Variants in OCA2 observed in about 807,000 individuals in gnomAD.
The protein encoded by OCA2 is P protein.
Under a neutral mutation model 100.2 loss-of-function variants are expected in OCA2, and 77 were observed. The observed-to-expected ratio is 0.77, with a 90% confidence interval of 0.64 to 0.93. The LOEUF (loss-of-function observed/expected upper bound fraction) is 0.93, where lower values mean the gene tolerates loss of function less well. Among genes scored for constraint, OCA2 ranks in the 40% least tolerant of loss-of-function variants. OCA2 has a pLI of 0.00. For synonymous variants in OCA2, 432 were observed against 439.2 expected (o/e 0.98, Z 0.21); for missense variants, 1,062 against 1,089.1 (o/e 0.98, Z 0.35).
chr15:27,926,317 T>C (rs1164601507), intron 18 of OCA2, 63 bp from the exon 19 acceptor site: 2 of 1,584,012 alleles, frequency 1.3e-6, no homozygotes, highest in East Asian at 2.2e-5. Flanking sequence ...TTCATTTCTT[T>C]AACCTCTGGT....
chr15:27,723,198 T>C, the OCA2 span, among the ~76,000 whole-genome samples: 1 of 152,050 alleles, frequency 6.6e-6, no homozygotes, highest in Non-Finnish European at 1.5e-5. Context: ...CCTACATGTG[T>C]TTTTATAATG....
chr15:27,864,942 G>A (rs2036265935), intron 21 of OCA2, among the ~76,000 whole-genome samples: 1 of 151,828 alleles, frequency 6.6e-6, no homozygotes, highest in South Asian at 2.1e-4. Flanking sequence ...AAGAGGGCAA[G>A]AGGAAGGAAG....
chr15:27,931,524 C>T lies in OCA2; in HGVS notation c.1952-5270G>A, dbSNP rs189850888. Among the ~76,000 whole-genome samples, 9 of 151,924 alleles carry T rather than the reference C, an allele frequency of 5.9e-5. No homozygotes were observed. The South Asian group carries it at 1.2e-3, about 21-fold the overall frequency. On this transcript the variant is annotated intron_variant, in intron 18 of 23. Coordinates refer to ENST00000354638, the MANE Select transcript of OCA2 (RefSeq NM_000275.3). ...TAATTTTTTGTATTTTTAGCAGAGA[C>T]GGGGTTTCACCATGTTGGCCAGGCT...
intron 23 of OCA2, among the ~76,000 whole-genome samples, chr15:27,771,863 G>T (rs2031894614): frequency 6.6e-6 from 1 of 152,110 alleles, no homozygotes; most frequent in African/African-American, 2.4e-5. Flanking sequence ...ATCGCCTCCT[G>T]GCTTACCAGT....
intron 9 of OCA2, among the ~76,000 whole-genome samples, chr15:28,003,319 G>C (rs780487282): frequency 7.2e-5 from 11 of 152,258 alleles, no homozygotes; most frequent in Non-Finnish European, 1.5e-4. Flanking sequence ...AGAGAATCGA[G>C]ATGTTCCCAA....
rs150623512 is a variant in OCA2, at chr15:27,862,680, G to A, written c.2244+8474C>T. ...AGTAGAGACAGGCTTTTACCATGTT[G>A]GCCAGGCTGGTACCGAACTCTTGAT... On this transcript the variant is annotated intron_variant, in intron 21 of 23. Coordinates refer to ENST00000354638, the MANE Select transcript of OCA2 (RefSeq NM_000275.3). Among the ~76,000 whole-genome samples the A allele has an allele frequency of 2.3e-3, 348 of 152,122 alleles. 1 individual carries two copies. The highest frequency in any genetic ancestry group is 7.8e-3 in the African/African-American group (325 of 41,488).
At chr15:28,011,194 GT>G (rs2042229624) in intron 9 of OCA2, among the ~76,000 whole-genome samples, 1 of 152,194 alleles carries the variant, frequency 6.6e-6, no homozygotes, top group South Asian at 2.1e-4. Context: ...GCCTGGCACA[GT>G]CACTCACACC....
chr15:27,899,870 G>A (rs1953724649), intron 19 of OCA2, among the ~76,000 whole-genome samples: 1 of 152,288 alleles, frequency 6.6e-6, no homozygotes, highest in Non-Finnish European at 1.5e-5. Context: ...GGAAACAAAG[G>A]AGTGAGATAG....
intron 21 of OCA2, among the ~76,000 whole-genome samples, chr15:27,867,562 G>A (rs11856258): frequency 0.016 from 2,376 of 152,208 alleles, 55 homozygotes; most frequent in African/African-American, 0.05. Context: ...CCTCACACAA[G>A]GTAAAAGAAA....
intron 9 of OCA2, among the ~76,000 whole-genome samples, chr15:28,004,507 G>A (rs536615397): frequency 1.1e-4 from 16 of 151,018 alleles, no homozygotes; most frequent in Admixed American, 7.9e-4. Flanking sequence ...ACAGTCACAC[G>A]CCCTCACCTC....
intron 4 of OCA2, among the ~76,000 whole-genome samples, chr15:28,026,685 G>A (rs934018145): frequency 6.6e-6 from 1 of 152,160 alleles, no homozygotes; most frequent in African/African-American, 2.4e-5. Context: ...GGATTGTTGG[G>A]AAGATGTATA....
intron 21 of OCA2, among the ~76,000 whole-genome samples, chr15:27,862,815 CA>C (rs1463333638): frequency 6.6e-6 from 1 of 152,168 alleles, no homozygotes; most frequent in Admixed American, 6.5e-5. Context: ...TTTGCCATTC[CA>C]ATATACAATA....
intron 2 of OCA2, among the ~76,000 whole-genome samples, chr15:28,072,219 T>A (rs1239367161): frequency 1.3e-5 from 2 of 150,488 alleles, no homozygotes; most frequent in African/African-American, 2.5e-5. Flanking sequence ...TACAAAAAAA[T>A]TAGCTGGGCT....
intron 21 of OCA2, among the ~76,000 whole-genome samples, chr15:27,861,963 G>C (rs541435314): frequency 6.6e-6 from 1 of 152,318 alleles, no homozygotes; most frequent in Admixed American, 6.5e-5. Flanking sequence ...CCACACACCC[G>C]GAATGCAGCC....
chr15:28,008,809 A>C (rs2042156907), intron 9 of OCA2, among the ~76,000 whole-genome samples: 1 of 152,256 alleles, frequency 6.6e-6, no homozygotes, highest in Non-Finnish European at 1.5e-5. Flanking sequence ...CAACAGTGTC[A>C]GCATCTGGGG....
At chr15:27,943,822 T>C (rs1221886281) in intron 18 of OCA2, among the ~76,000 whole-genome samples, 2 of 152,186 alleles carry the variant, frequency 1.3e-5, no homozygotes, top group African/African-American at 4.8e-5. Context: ...TGGAAGCCCT[T>C]ATCCTGCCCC....
At chr15:28,081,391 A>G (rs1372480546) in intron 2 of OCA2, among the ~76,000 whole-genome samples, 1 of 152,204 alleles carries the variant, frequency 6.6e-6, no homozygotes, top group East Asian at 1.9e-4. Flanking sequence ...CAATACTTTA[A>G]ATAATATATT....
chr15:27,910,393 GT>G (rs1240667181), intron 19 of OCA2, among the ~76,000 whole-genome samples: 1 of 152,136 alleles, frequency 6.6e-6, no homozygotes, highest in African/African-American at 2.4e-5. Flanking sequence ...CCGTAGTGTT[GT>G]TTGTAATCAC....
intron 2 of OCA2, among the ~76,000 whole-genome samples, chr15:28,040,944 C>G (rs921259501): frequency 6.6e-6 from 1 of 152,102 alleles, no homozygotes; most frequent in Non-Finnish European, 1.5e-5. Context: ...TCAAACTCTT[C>G]CAGAAAATTG....
Sources: gnomAD v4.1 joint callset for allele counts (sites outside exome capture counted in the v4.1 genomes callset) on GRCh38, gnomAD v4.1.1 for gene constraint, MANE v1.5 for transcripts, NCBI Gene and HGNC (gene_info 2026-07-23, HGNC 2026-07-21) for gene names.